The following GLS variants were observed in gnomAD, a reference collection of about 807,000 sequenced individuals.
The protein encoded by GLS is glutaminase kidney isoform, mitochondrial.
In GLS, 36 loss-of-function variants were observed where a neutral mutation model predicts 86.7. The ratio of observed to expected loss-of-function variants is 0.42; its 90% CI spans 0.32 to 0.55. GLS has a LOEUF of 0.55. Ranked by LOEUF, GLS falls within the 20% of genes least tolerant of loss-of-function variation. The pLI is 0.17. For missense variants in GLS, 528 were observed against 833.4 expected (o/e 0.63, Z 4.51); for synonymous variants, 317 against 305.9 (o/e 1.04, Z -0.38).
At chr2:190,891,954 C>T (rs910955596) in intron 1 of GLS, among the ~76,000 whole-genome samples, 6 of 152,072 alleles carry the variant, frequency 3.9e-5, no homozygotes, top group Non-Finnish European at 8.8e-5. Flanking sequence ...AGCTCTTACC[C>T]ATCTTTCAGG....
chr2:190,905,241 A>C lies in GLS; in HGVS notation c.979+74A>C, dbSNP rs1271794011. The C allele has an allele frequency of 4.6e-6, 4 of 869,354 alleles. No homozygotes were observed. Among genetic ancestry groups the C allele is most frequent in the Non-Finnish European group, 7.1e-6 (4 of 561,596 alleles). The allele number at this position is 869,354 out of a possible 1,614,324, so 53.9% of individuals were successfully genotyped here. ...TATGTAAATCTAAGTCGTTTTAAAC[A>C]TTTTTTGATTAAAATTAAAAGTATT... On this transcript the variant is annotated intron_variant, in intron 6 of 17. Coordinates refer to ENST00000320717, the MANE Select transcript of GLS (RefSeq NM_014905.5). The surrounding 1 kb of genome is among the most constrained non-coding windows in gnomAD (Gnocchi z 4.6).
At chr2:190,942,832 CAG>C (rs766582726) in intron 14 of GLS, among the ~76,000 whole-genome samples, 55 of 152,186 alleles carry the variant, frequency 3.6e-4, no homozygotes, top group Admixed American at 2.0e-4. Flanking sequence ...CAGGGACTAT[CAG>C]GGAAACCAAC....
At chr2:190,898,529 C>T (rs1199831475) in intron 3 of GLS, among the ~76,000 whole-genome samples, 1 of 152,176 alleles carries the variant, frequency 6.6e-6, no homozygotes, top group Non-Finnish European at 1.5e-5. Context: ...GCTTTGTCAG[C>T]CTGTTAATAT....
intron 3 of GLS, among the ~76,000 whole-genome samples, chr2:190,896,989 T>C (rs1486757827): frequency 6.6e-6 from 1 of 152,122 alleles, no homozygotes; most frequent in Admixed American, 6.5e-5. Context: ...TGATAATCAG[T>C]AGGGGAACTG....
rs1031044421 is a variant in GLS, at chr2:190,905,391, C to A, written c.979+224C>A. On this transcript the variant is annotated intron_variant, in intron 6 of 17. Coordinates refer to ENST00000320717, the MANE Select transcript of GLS (RefSeq NM_014905.5). The surrounding 1 kb of genome is among the most constrained non-coding windows in gnomAD (Gnocchi z 4.6). ...AGAACATGAACTTCTCTCTTCATAA[C>A]CACCTTTAGGGAAATATAGCGAAAT... The A allele has an allele frequency of 2.4e-6, 1 of 415,944 alleles. No individual in the cohort carries two copies. Among genetic ancestry groups the A allele is most frequent in the Non-Finnish European group, 4.3e-6 (1 of 232,390 alleles). The allele number at this position is 415,944 out of a possible 1,614,324, so 25.8% of individuals were successfully genotyped here.
chr2:190,895,995 A>AGC lies in GLS; in HGVS notation c.605+271_605+272dup, dbSNP rs1180939924. On this transcript the variant is annotated intron_variant, in intron 3 of 17. Coordinates refer to ENST00000320717, the MANE Select transcript of GLS (RefSeq NM_014905.5). The surrounding 1 kb of genome is among the most constrained non-coding windows in gnomAD (Gnocchi z 4.2). Reference sequence around the variant, plus strand: ...TGGAGATTGCATTCAGTTTGAGTAGAGCACATCCTTTGTCCTGTCATTGCT... The same window carrying AGC: ...TGGAGATTGCATTCAGTTTGAGTAGAGCGCACATCCTTTGTCCTGTCATTGCT... The AGC allele has an allele frequency of 5.1e-5, 11 of 216,914 alleles. No homozygotes were observed. The highest frequency in any genetic ancestry group is 2.0e-4 in the African/African-American group (9 of 44,072). The allele number at this position is 216,914 out of a possible 1,614,324, so 13.4% of individuals were successfully genotyped here.
At chr2:190,883,144 C>G (rs1169758234) in intron 1 of GLS, among the ~76,000 whole-genome samples, 2 of 152,144 alleles carry the variant, frequency 1.3e-5, no homozygotes, top group Admixed American at 1.3e-4. Flanking sequence ...TTCTGTGATT[C>G]ACTTGTCCAG....
chr2:190,899,338 A>C (rs1359026415), intron 3 of GLS, among the ~76,000 whole-genome samples: 1 of 152,058 alleles, frequency 6.6e-6, no homozygotes, highest in Non-Finnish European at 1.5e-5. Context: ...ATGTTGTAAT[A>C]GGGGGATCCT....
intron 9 of GLS, among the ~76,000 whole-genome samples, chr2:190,922,001 A>G (rs1257415240): frequency 1.3e-5 from 2 of 152,066 alleles, no homozygotes; most frequent in Admixed American, 6.6e-5. Flanking sequence ...CACAAATTTT[A>G]TTAAATGGCT....
In GLS at chr2:190,895,627, A is replaced by C; in HGVS notation, c.507A>C (p.Arg169=). The C allele has an allele frequency of 6.2e-7, 1 of 1,605,134 alleles. No homozygotes were observed. The highest frequency in any genetic ancestry group is 8.5e-7 in the Non-Finnish European group (1 of 1,173,192). The change falls in exon 3 of 18, where the codon CGA becomes CGC. Residue 169 remains arginine (R), a synonymous_variant. Coordinates refer to ENST00000320717, the MANE Select transcript of GLS (RefSeq NM_014905.5). This position sits in a 1 kb window ranked among gnomAD's most constrained non-coding sequence, Gnocchi z 4.2. The part of the protein sequence containing the change: ...FITALKSTGL[R]TSDPRLKECM... ...AGGCACTCAAATCTACAGGATTGCGAACGTCTGATCCCAGGTTGAAAGAGT... is the reference window on the plus strand; with the variant it reads ...AGGCACTCAAATCTACAGGATTGCGCACGTCTGATCCCAGGTTGAAAGAGT...
rs1690340016 is a variant in GLS, at chr2:190,938,566, C to T, written c.1650+6929C>T. 6.6e-6 allele frequency among the ~76,000 whole-genome samples: 1 copy of T among 151,608 alleles called. No individual in the cohort carries two copies. The highest frequency in any genetic ancestry group is 2.1e-4 in the South Asian group (1 of 4,832). On this transcript the variant is annotated intron_variant, in intron 14 of 17. Coordinates refer to ENST00000320717, the MANE Select transcript of GLS (RefSeq NM_014905.5). This position sits in a 1 kb window ranked among gnomAD's most constrained non-coding sequence, Gnocchi z 4.1. ...AATCTTAAATGTTACCTGGTACAGA[C>T]TCCCACCCCACTCAGCCCCCTTTTC...
chr2:190,965,332 C>CTGT lies in GLS; in HGVS notation c.*2350_*2352dup, dbSNP rs1691096590. 2 of 152,586 alleles carry CTGT rather than the reference C, an allele frequency of 1.3e-5. No homozygotes were observed. The highest frequency in any genetic ancestry group is 6.5e-5 in the Admixed American group (1 of 15,268). 9.5% of individuals were successfully genotyped at this position (152,586 alleles called of 1,614,324 possible). ...TGGATTAGCTGTTGACCATTTGATG[C>CTGT]TGTTGTCTGTCTGGCAGGGACTGAA... On this transcript the variant is annotated 3_prime_UTR_variant, in exon 18 of 18. Transcript: ENST00000320717. The surrounding 1 kb of genome is among the most constrained non-coding windows in gnomAD (Gnocchi z 5.0).
At chr2:190,945,626 C>T (rs575589409) in intron 14 of GLS, among the ~76,000 whole-genome samples, 21 of 147,884 alleles carry the variant, frequency 1.4e-4, no homozygotes, top group South Asian at 8.5e-4. Context: ...GATTGCAGCA[C>T]GGCACTCCAG....
intron 3 of GLS, chr2:190,896,421 A>G (rs1688742772): frequency 6.6e-6 from 1 of 152,242 alleles, no homozygotes; most frequent in Non-Finnish European, 1.5e-5. Context: ...ATAGTATTTT[A>G]AACTACTACT....
rs1491277292 is a variant in GLS at position 190,949,906 on chromosome 2, A to AC, written c.1651-3658dup. On this transcript the variant is annotated intron_variant, in intron 14 of 17. Transcript: ENST00000320717. This position sits in a 1 kb window ranked among gnomAD's most constrained non-coding sequence, Gnocchi z 4.0. ...ATGGAGCCTATATTTAATGAGAGAG[A>AC]CAAAAAACAAGTATATATAAAAATA... 2.6e-5 allele frequency among the ~76,000 whole-genome samples: 4 copies of AC among 151,128 alleles called. No individual in the cohort carries two copies. The highest frequency in any genetic ancestry group is 2.6e-4 in the Admixed American group (4 of 15,146).
chr2:190,932,663 C>A (rs1365703765), intron 14 of GLS: 14 of 1,372,616 alleles, frequency 1.0e-5, no homozygotes, highest in South Asian at 1.8e-5. Context: ...ATAGCTTGGA[C>A]CTTTCTTCAC....
chr2:190,957,937 G>A (rs1468643319), intron 17 of GLS, among the ~76,000 whole-genome samples: 1 of 152,128 alleles, frequency 6.6e-6, no homozygotes, highest in Non-Finnish European at 1.5e-5. Flanking sequence ...GAGTTAGGGA[G>A]GATTCCTTCT....
chr2:190,917,063 A>G (rs927202167), intron 7 of GLS, among the ~76,000 whole-genome samples: 1 of 152,178 alleles, frequency 6.6e-6, no homozygotes, highest in Admixed American at 6.5e-5. Context: ...TGCCACATCA[A>G]TTGACTCTTA....
At chr2:190,911,256 C>A (rs992980028) in intron 7 of GLS, among the ~76,000 whole-genome samples, 2 of 151,884 alleles carry the variant, frequency 1.3e-5, no homozygotes, top group African/African-American at 4.8e-5. Context: ...ATAAATGATA[C>A]CCTTGGCCCA....
Sources: gnomAD v4.1 joint callset for allele counts (sites outside exome capture counted in the v4.1 genomes callset) on GRCh38, gnomAD v4.1.1 for gene constraint, Gnocchi (gnomAD v3.1) non-coding constraint, MANE v1.5 for transcripts, NCBI Gene and HGNC (gene_info 2026-07-23, HGNC 2026-07-21) for gene names.